FGF14: variants seen among roughly 807,000 people sequenced by gnomAD.
The protein encoded by FGF14 is fibroblast growth factor homologous factor 4.
A neutral mutation model predicts 25.5 loss-of-function variants in FGF14; 5 were observed. That is an observed-to-expected ratio of 0.20 (90% CI 0.10 to 0.41). FGF14 has a LOEUF of 0.41. FGF14 is among the 10% of genes least tolerant of loss of function. The probability of loss-of-function intolerance (pLI) is 1.00; values close to 1 mark genes in which losing one functional copy is unlikely to be tolerated. For synonymous variants in FGF14, 138 were observed against 118.3 expected, an observed-to-expected ratio of 1.17 and a Z score of -1.08; for missense variants, 222 against 320.1, an observed-to-expected ratio of 0.69 and a Z score of 2.34.
Position 101,722,950 on chromosome 13 carries a change from G to T in FGF14, c.625C>A (p.Pro209Thr). The T allele has an allele frequency of 6.2e-7, 1 of 1,613,298 alleles. No individual in the cohort carries two copies. The highest frequency in any genetic ancestry group is 8.5e-7 in the Non-Finnish European group (1 of 1,179,496). ...KPLEVAMYRE[P>T]SLHDVGETVP... ...GTTTCCCCAACATCATGCAAAGATGGTTCTCGGTACATGGCAACTAGTGAT... is the reference window on the plus strand; with the variant it reads ...GTTTCCCCAACATCATGCAAAGATGTTTCTCGGTACATGGCAACTAGTGAT... Residue 209 changes from proline (P) to threonine (T), a missense_variant, in exon 5 of 5, where the codon CCA becomes ACA. Coordinates refer to ENST00000376143, the MANE Select transcript of FGF14 (RefSeq NM_004115.4).
chr13:102,048,507 G>A (rs1341375581), intron 1 of FGF14, among the ~76,000 whole-genome samples: 2 of 152,132 alleles, frequency 1.3e-5, no homozygotes, highest in African/African-American at 4.8e-5. Context: ...AGTCACTTAA[G>A]GCTTAGAAGT....
At chr13:101,954,410 C>A (rs1446496459) in intron 1 of FGF14, among the ~76,000 whole-genome samples, 1 of 152,142 alleles carries the variant, frequency 6.6e-6, no homozygotes, top group African/African-American at 2.4e-5. Context: ...GCACTATGGG[C>A]TTGAGAGAAG....
chr13:102,122,141 T>A (rs996048837), intron 1 of FGF14, among the ~76,000 whole-genome samples: 2 of 152,208 alleles, frequency 1.3e-5, no homozygotes, highest in African/African-American at 4.8e-5. Context: ...ACTTAATTTA[T>A]TCACAAACTC....
intron 1 of FGF14, among the ~76,000 whole-genome samples, chr13:102,161,640 G>GTACCCC (rs1566764989): frequency 0.016 from 163 of 10,242 alleles, 15 homozygotes; most frequent in African/African-American, 0.055. Flanking sequence ...AGAAGAAGAA[G>GTACCCC]AAGAAGAAGA....
intron 1 of FGF14, among the ~76,000 whole-genome samples, chr13:102,165,805 TATAATAATA>T (rs142783245): frequency 1.3e-5 from 2 of 148,240 alleles, no homozygotes; most frequent in Non-Finnish European, 3.0e-5. Flanking sequence ...AAACTTAAAG[TATAATAATA>T]ATAATAATAA....
intron 1 of FGF14, among the ~76,000 whole-genome samples, chr13:102,328,880 G>A (rs1456301696): frequency 6.6e-6 from 1 of 152,146 alleles, no homozygotes; most frequent in Non-Finnish European, 1.5e-5. Context: ...GGAAAATCCT[G>A]AAGCCCTACA....
chr13:101,950,527 TACTC>T (rs777347649), intron 1 of FGF14, among the ~76,000 whole-genome samples: 6 of 152,186 alleles, frequency 3.9e-5, no homozygotes, highest in Non-Finnish European at 8.8e-5. Flanking sequence ...GCTTCAGAAA[TACTC>T]AATTAAAATT....
At chr13:102,165,572 A>C (rs1419253600) in intron 1 of FGF14, among the ~76,000 whole-genome samples, 2 of 147,692 alleles carry the variant, frequency 1.4e-5, no homozygotes, top group South Asian at 4.4e-4. Flanking sequence ...AGGACAAAAA[A>C]CCAAACACCA....
intron 1 of FGF14, among the ~76,000 whole-genome samples, chr13:102,290,456 A>G (rs993835521): frequency 3.3e-5 from 5 of 152,150 alleles, no homozygotes; most frequent in African/African-American, 9.7e-5. Context: ...GACTAAGACA[A>G]ATGGTAATAA....
At chr13:101,872,035 A>G (rs560162869) in intron 2 of FGF14, among the ~76,000 whole-genome samples, 215 of 152,032 alleles carry the variant, frequency 1.4e-3, no homozygotes, top group Non-Finnish European at 2.7e-3. Context: ...TAACAAAGGC[A>G]GTTTAGCAGG....
chr13:102,361,369 C>CA (rs1246742689), intron 1 of FGF14, among the ~76,000 whole-genome samples: 5 of 152,108 alleles, frequency 3.3e-5, no homozygotes, highest in Admixed American at 1.3e-4. Context: ...AACCTGGCTT[C>CA]AAAGCCTGAT....
chr13:101,736,819 A>G (rs1490454066), intron 3 of FGF14, among the ~76,000 whole-genome samples: 1 of 151,862 alleles, frequency 6.6e-6, no homozygotes, highest in African/African-American at 2.4e-5. Context: ...GTGGCGAAGC[A>G]GGTTCTAATG....
chr13:102,363,706 C>T (rs1238022293), intron 1 of FGF14, among the ~76,000 whole-genome samples: 2 of 152,196 alleles, frequency 1.3e-5, no homozygotes, highest in Non-Finnish European at 2.9e-5. Context: ...GTGATGTCTC[C>T]ATCATCTGCC....
intron 1 of FGF14, among the ~76,000 whole-genome samples, chr13:102,334,304 T>C (rs1435403250): frequency 6.6e-6 from 1 of 152,156 alleles, no homozygotes; most frequent in Non-Finnish European, 1.5e-5. Flanking sequence ...GGTGGGTAGA[T>C]TCCGTGAGTC....
intron 1 of FGF14, among the ~76,000 whole-genome samples, chr13:102,179,270 C>T (rs976481979): frequency 6.6e-6 from 1 of 152,166 alleles, no homozygotes; most frequent in Non-Finnish European, 1.5e-5. Context: ...GGCCCTGTCT[C>T]TGCCTCTACC....
intron 1 of FGF14, chr13:102,293,908 A>C (rs925240972): frequency 6.6e-6 from 1 of 152,206 alleles, no homozygotes; most frequent in African/African-American, 2.4e-5. Flanking sequence ...GCAGCACTTG[A>C]TTCAGAATGT....
intron 1 of FGF14, among the ~76,000 whole-genome samples, chr13:101,964,486 C>T (rs2037061672): frequency 6.6e-6 from 1 of 152,168 alleles, no homozygotes; most frequent in Non-Finnish European, 1.5e-5. Context: ...GACTTCAATC[C>T]TGTCTTGTGA....
At chr13:101,948,463 A>AT (rs1233046858) in intron 1 of FGF14, among the ~76,000 whole-genome samples, 5 of 127,050 alleles carry the variant, frequency 3.9e-5, no homozygotes, top group African/African-American at 1.7e-4. Context: ...TTAAAGTATA[A>AT]TAAAAAAATA....
chr13:102,201,455 A>G (rs2049644569), intron 1 of FGF14, among the ~76,000 whole-genome samples: 1 of 152,198 alleles, frequency 6.6e-6, no homozygotes, highest in African/African-American at 2.4e-5. Flanking sequence ...AAATGATTAT[A>G]AATTCCCTAA....
Sources: gnomAD v4.1 joint callset for allele counts (sites outside exome capture counted in the v4.1 genomes callset) on GRCh38, gnomAD v4.1.1 for gene constraint, MANE v1.5 for transcripts, NCBI Gene and HGNC (gene_info 2026-07-23, HGNC 2026-07-21) for gene names.